MTMR12: variants seen among roughly 807,000 people sequenced by gnomAD.
MTMR12 encodes the protein myotubularin-related protein 12.
Under a neutral mutation model 96.7 loss-of-function variants are expected in MTMR12, and 33 were observed. The observed-to-expected ratio is 0.34, with a 90% confidence interval of 0.26 to 0.46. The LOEUF (loss-of-function observed/expected upper bound fraction) is 0.46. Ranked by LOEUF, MTMR12 falls within the 20% of genes least tolerant of loss-of-function variation. The pLI is 1.00. For missense variants in MTMR12, 721 were observed against 896.1 expected, an observed-to-expected ratio of 0.80 and a Z score of 2.49; for synonymous variants, 298 against 327.2, an observed-to-expected ratio of 0.91 and a Z score of 0.96.
chr5:32,264,207 C>T (rs1749498986), intron 6 of MTMR12, among the ~76,000 whole-genome samples: 2 of 152,168 alleles, frequency 1.3e-5, no homozygotes, highest in African/African-American at 2.4e-5. Flanking sequence ...TGGTCTTCTC[C>T]CAAGCCACAG....
chr5:32,265,287 C>T (rs9292457), intron 6 of MTMR12, among the ~76,000 whole-genome samples: 150,500 of 152,320 alleles, frequency 0.99, 74,369 homozygotes, highest in East Asian at 1. Context: ...TGGAATTAAA[C>T]CAGAATAAAA....
chr5:32,254,417 A>G (rs1749063139), intron 8 of MTMR12, among the ~76,000 whole-genome samples: 1 of 152,216 alleles, frequency 6.6e-6, no homozygotes, highest in South Asian at 2.1e-4. Context: ...CCAGCAGAAA[A>G]TAAAAAGTTT....
rs539344414 is a variant in MTMR12 at position 32,262,973 on chromosome 5, T to C, written c.713+140A>G. 1.2e-4 allele frequency: 125 copies of C among 1,052,546 alleles called. No individual in the cohort carries two copies. The East Asian group carries it at 3.2e-3, about 27-fold the overall frequency. 65.2% of individuals were successfully genotyped at this position (1,052,546 alleles called of 1,614,324 possible). ...AAAATGGGGAGTGACAGCCAATGGG[T>C]ATGGAGTTTCTTTTTGGGAGGATGA... On this transcript the variant is annotated intron_variant, in intron 7 of 15. Coordinates refer to ENST00000382142, the MANE Select transcript of MTMR12 (RefSeq NM_001040446.3).
chr5:32,278,909 C>T (rs1326523106), intron 1 of MTMR12, among the ~76,000 whole-genome samples: 1 of 150,998 alleles, frequency 6.6e-6, no homozygotes, highest in East Asian at 1.9e-4. Flanking sequence ...GAAACCCCGT[C>T]TCTACTAAAA....
intron 1 of MTMR12, among the ~76,000 whole-genome samples, chr5:32,305,929 C>A (rs566834665): frequency 6.6e-6 from 1 of 151,850 alleles, no homozygotes; most frequent in African/African-American, 2.4e-5. Context: ...TCTGGGATAC[C>A]GCAAGTGCTG....
intron 1 of MTMR12, among the ~76,000 whole-genome samples, chr5:32,306,067 G>T (rs1751347204): frequency 6.6e-6 from 1 of 152,116 alleles, no homozygotes; most frequent in South Asian, 2.1e-4. Context: ...AGCCAAAAAA[G>T]AAATTGCTAC....
intron 13 of MTMR12, 34 bp from the exon 14 acceptor site, chr5:32,235,163 A>G (rs747274927): frequency 2.8e-5 from 45 of 1,584,688 alleles, no homozygotes; most frequent in South Asian, 2.7e-4. Flanking sequence ...CTTGGTGGGC[A>G]GAGCCCAGAG....
In MTMR12 at chr5:32,272,784, A is replaced by G. The variant is rs183597182; in HGVS notation, c.286-879T>C. On this transcript the variant is annotated intron_variant, in intron 3 of 15. Coordinates refer to ENST00000382142, the MANE Select transcript of MTMR12 (RefSeq NM_001040446.3). ...TGTACAGGTTAACATTTCTCCACAC[A>G]AATGTGAACAGGGGATTGACAGAGC... is the stretch of plus-strand genomic sequence containing the variant. Among the ~76,000 whole-genome samples, 261 of 152,310 alleles carry G rather than the reference A, an allele frequency of 1.7e-3. 2 individuals carry two copies. The highest frequency in any genetic ancestry group is 0.016 in the Admixed American group (245 of 15,292).
intron 1 of MTMR12, among the ~76,000 whole-genome samples, chr5:32,307,464 C>T (rs565011963): frequency 4.7e-4 from 72 of 152,174 alleles, no homozygotes; most frequent in African/African-American, 1.6e-3. Flanking sequence ...GGCCCCAGAT[C>T]CCTCCCTCCT....
At chr5:32,280,999 G>C (rs1320877712) in intron 1 of MTMR12, among the ~76,000 whole-genome samples, 1 of 151,948 alleles carries the variant, frequency 6.6e-6, no homozygotes, top group East Asian at 1.9e-4. Flanking sequence ...AGTAATCACA[G>C]CACTTTGGGA....
intron 1 of MTMR12, among the ~76,000 whole-genome samples, chr5:32,289,347 T>A (rs1225934244): frequency 6.6e-6 from 1 of 152,172 alleles, no homozygotes; most frequent in Non-Finnish European, 1.5e-5. Flanking sequence ...TCAATCAATT[T>A]CCAGACTTGA....
At position 32,263,119 on chromosome 5, in the gene MTMR12, C is replaced by G; in HGVS notation, c.707G>C (p.Cys236Ser). ...CCCAGCATGGAAAGCTTACCTCTCA[C>G]AGACTTTATAGCCTTCGTTGACACT... ...AVSVNEGYKV[C>S]ERLPAYFVVP... The change falls in exon 7 of 16, where the codon TGT becomes TCT. Residue 236 changes from cysteine to serine, a missense_variant. Transcript: ENST00000382142. 1 of 1,614,188 alleles carries G rather than the reference C, an allele frequency of 6.2e-7. No individual in the cohort carries two copies. Among genetic ancestry groups the G allele is most frequent in the South Asian group, 1.1e-5 (1 of 91,082 alleles).
intron 1 of MTMR12, among the ~76,000 whole-genome samples, chr5:32,296,881 C>T (rs1286939385): frequency 6.6e-6 from 1 of 151,086 alleles, no homozygotes; most frequent in Non-Finnish European, 1.5e-5. Flanking sequence ...GGTGGGCGGA[C>T]CACAAGGTCA....
At chr5:32,271,562 T>C (rs1348447343) in intron 4 of MTMR12, among the ~76,000 whole-genome samples, 3 of 152,222 alleles carry the variant, frequency 2.0e-5, no homozygotes, top group African/African-American at 7.2e-5. Flanking sequence ...CTAACTCTGA[T>C]ATCAAAAAGT....
chr5:32,255,822 T>C (rs1214198424), intron 7 of MTMR12, 54 bp from the exon 8 acceptor site: 20 of 1,462,114 alleles, frequency 1.4e-5, no homozygotes, highest in Non-Finnish European at 1.9e-5. Context: ...TCACAAAATA[T>C]GAAAGCTCAA....
chr5:32,303,362 AAAGG>A (rs761786665), intron 1 of MTMR12, among the ~76,000 whole-genome samples: 54 of 152,282 alleles, frequency 3.5e-4, no homozygotes, highest in African/African-American at 1.2e-3. Flanking sequence ...AAAGGGGAAT[AAAGG>A]AAGGGTGAGG....
Position 32,231,436 on chromosome 5 carries a change from A to AG in MTMR12, c.1675-1090dup, listed in dbSNP as rs538002064. Among the ~76,000 whole-genome samples, 1,180 of 151,136 alleles carry AG rather than the reference A, an allele frequency of 7.8e-3. 18 individuals carry two copies. The highest frequency in any genetic ancestry group is 0.026 in the African/African-American group (1,080 of 41,062). On this transcript the variant is annotated intron_variant, in intron 15 of 15. Transcript: ENST00000382142. ...AGATGGATGTGGTCGGAAGGTCATG[A>AG]GGGTTCCCCAGTGCCCAAAGCAGAA...
At chr5:32,283,841 C>T (rs557091224) in intron 1 of MTMR12, among the ~76,000 whole-genome samples, 5 of 152,314 alleles carry the variant, frequency 3.3e-5, no homozygotes, top group Admixed American at 2.0e-4. Context: ...CTCCTCAACA[C>T]CTACTGAAAG....
intron 13 of MTMR12, among the ~76,000 whole-genome samples, chr5:32,237,419 G>A (rs11952201): frequency 0.44 from 67,346 of 151,926 alleles, 15,884 homozygotes; most frequent in African/African-American, 0.6. Context: ...GGAGCGATTA[G>A]TCCAGACAGA....
Sources: allele counts gnomAD v4.1 joint callset (sites outside exome capture counted in the v4.1 genomes callset), GRCh38; gene constraint gnomAD v4.1.1; transcripts MANE v1.5; gene names NCBI Gene and HGNC (gene_info 2026-07-23, HGNC 2026-07-21).